Variants in TNKS2 observed in about 807,000 individuals in gnomAD.
TNKS2 encodes the protein poly [ADP-ribose] polymerase tankyrase-2.
TNKS2 carries 72 observed loss-of-function variants against 137.6 expected under a neutral mutation model. That is an observed-to-expected ratio of 0.52 (90% CI 0.43 to 0.64). TNKS2 has a LOEUF of 0.64. TNKS2 is among the 30% of genes least tolerant of loss of function. The pLI is 0.00. For synonymous variants in TNKS2, 516 were observed against 512.1 expected (o/e 1.01, Z -0.10); for missense variants, 1,049 against 1,410.2 (o/e 0.74, Z 4.10).
chr10:91,840,769 C>G (rs1246366216), intron 14 of TNKS2, 63 bp downstream of exon 14: 1 of 1,458,588 alleles, frequency 6.9e-7, no homozygotes, highest in Non-Finnish European at 9.3e-7. Context: ...TTAGGAAAAC[C>G]TGGAAATATA....
chr10:91,855,722 CTG>C, intron 23 of TNKS2, 34 bp downstream of exon 23: 6 of 1,521,394 alleles, frequency 3.9e-6, no homozygotes, highest in Non-Finnish European at 5.4e-6. Flanking sequence ...TTTTCTGAGA[CTG>C]TCGTTTTCAA....
chr10:91,798,810 C>T lies in TNKS2; in HGVS notation c.120C>T (p.Val40=). Residue 40 remains valine (V), a synonymous_variant, in exon 1 of 27, where the codon GTC becomes GTT. Transcript: ENST00000371627. ...GCCGCAACGGGGACGTGGAACGAGT[C>T]AAGAGGCTGGTGACGCCTGAGAAGG... is the stretch of plus-strand genomic sequence containing the variant. ...EACRNGDVER[V]KRLVTPEKVN... 3.7e-6 allele frequency: 5 copies of T among 1,333,436 alleles called. No homozygotes were observed. The highest frequency in any genetic ancestry group is 2.1e-5 in the South Asian group (1 of 48,358). 82.6% of individuals were successfully genotyped at this position (1,333,436 alleles called of 1,614,324 possible).
intron 16 of TNKS2, 99 bp downstream of exon 16, chr10:91,842,490 C>T: frequency 1.8e-6 from 2 of 1,097,782 alleles, no homozygotes; most frequent in Non-Finnish European, 2.6e-6. Context: ...AAATTCAAAT[C>T]AGGCCAAGCA....
chr10:91,857,457 A>C lies in TNKS2; in HGVS notation c.3021A>C (p.Glu1007Asp). 6.2e-7 allele frequency: 1 copy of C among 1,610,348 alleles called. No individual in the cohort carries two copies. The highest frequency in any genetic ancestry group is 1.1e-5 in the South Asian group (1 of 90,604). Residue 1007 changes from glutamate (E) to aspartate (D), a missense_variant, in exon 24 of 27, where the codon GAA becomes GAC. Glu to Asp is a conservative substitution (Grantham distance 45, BLOSUM62 2). Coordinates refer to ENST00000371627, the MANE Select transcript of TNKS2 (RefSeq NM_025235.4). ...IQKVCNKKLW[E>D]RYTHRRKEVS... is the part of the protein sequence containing the mutation. ...AGGTTTGTAACAAGAAACTATGGGA[A>C]AGATACACTCACCGGAGAAAAGAAG... is the stretch of plus-strand genomic sequence containing the variant.
intron 18 of TNKS2, among the ~76,000 whole-genome samples, chr10:91,847,134 C>CA (rs778431345): frequency 1.3e-5 from 2 of 152,046 alleles, no homozygotes; most frequent in Non-Finnish European, 2.9e-5. Context: ...TTATTATAAA[C>CA]AAATGTCATT....
At position 91,836,935 on chromosome 10, in the gene TNKS2, T is replaced by C; in HGVS notation, c.1464T>C (p.Gly488=). The C allele has an allele frequency of 6.2e-7, 1 of 1,613,334 alleles. No homozygotes were observed. Among genetic ancestry groups the C allele is most frequent in the Non-Finnish European group, 8.5e-7 (1 of 1,179,656 alleles). The change falls in exon 13 of 27, where the codon GGT becomes GGC. Residue 488 remains glycine (G), a synonymous_variant. Coordinates refer to ENST00000371627, the MANE Select transcript of TNKS2 (RefSeq NM_025235.4). ...CTTTTTTAGAGGGTATCTCATTAGG[T>C]AATTCAGAGGCAGACAGACAATTGC... is the stretch of plus-strand genomic sequence containing the variant. The part of the protein sequence containing the change: ...QQLLQEGISL[G]NSEADRQLLE...
chr10:91,807,601 G>A (rs1239076196), intron 1 of TNKS2, among the ~76,000 whole-genome samples: 1 of 152,144 alleles, frequency 6.6e-6, no homozygotes, highest in African/African-American at 2.4e-5. Flanking sequence ...CCTTAATTCA[G>A]CAAATGTCAA....
chr10:91,804,743 A>G (rs1173973871), intron 1 of TNKS2, among the ~76,000 whole-genome samples: 2 of 152,076 alleles, frequency 1.3e-5, no homozygotes, highest in Non-Finnish European at 2.9e-5. Flanking sequence ...TCAGTTTGGG[A>G]AGTATGGTTT....
intron 13 of TNKS2, among the ~76,000 whole-genome samples, chr10:91,838,853 T>C (rs1589677688): frequency 6.6e-6 from 1 of 152,262 alleles, no homozygotes; most frequent in East Asian, 1.9e-4. Context: ...TTTACTAATA[T>C]GGATATATTC....
intron 8 of TNKS2, among the ~76,000 whole-genome samples, chr10:91,827,421 T>C (rs1031050625): frequency 6.6e-6 from 1 of 152,240 alleles, no homozygotes; most frequent in Non-Finnish European, 1.5e-5. Context: ...TCAAGTTATA[T>C]GCTTTTTATA....
At chr10:91,808,535 G>A (rs1046930815) in intron 1 of TNKS2, among the ~76,000 whole-genome samples, 2 of 152,140 alleles carry the variant, frequency 1.3e-5, no homozygotes, top group Admixed American at 1.3e-4. Context: ...CTAGAGACAA[G>A]TGGAAATGAG....
chr10:91,831,606 A>C (rs1845249825), intron 11 of TNKS2, among the ~76,000 whole-genome samples: 1 of 152,212 alleles, frequency 6.6e-6, no homozygotes, highest in Non-Finnish European at 1.5e-5. Flanking sequence ...CTTGAACGGA[A>C]GGAAATATAT....
At position 91,851,389 on chromosome 10, in the gene TNKS2, A is replaced by G. The variant is rs537959882; in HGVS notation, c.2815+53A>G. ...CAGTTTAACAGTTTGCATAAAGGCA[A>G]CCCTCAGTGTACTAAGTTATAATTT... On this transcript the variant is annotated intron_variant, in intron 21 of 26. Transcript: ENST00000371627. The G allele has an allele frequency of 1.7e-5, 27 of 1,576,792 alleles. No homozygotes were observed. The South Asian group carries it at 3.0e-4, about 18-fold the overall frequency.
At chr10:91,850,013 AAAT>A (rs1462668474) in intron 20 of TNKS2, among the ~76,000 whole-genome samples, 2 of 152,186 alleles carry the variant, frequency 1.3e-5, no homozygotes, top group South Asian at 2.1e-4. Context: ...GTTGTTCAGA[AAAT>A]AATGTTACTG....
chr10:91,840,848 T>A, intron 14 of TNKS2, 142 bp downstream of exon 14: 1 of 798,280 alleles, frequency 1.3e-6, no homozygotes, highest in Non-Finnish European at 1.9e-6. Context: ...GCTTCTTAAT[T>A]TCAATTAAGA....
At position 91,819,546 on chromosome 10, in the gene TNKS2, G is replaced by A; in HGVS notation, c.622G>A (p.Asp208Asn). 1.3e-6 allele frequency: 2 copies of A among 1,591,908 alleles called. No homozygotes were observed. The highest frequency in any genetic ancestry group is 1.7e-6 in the Non-Finnish European group (2 of 1,173,958). The change falls in exon 5 of 27, where the codon GAT becomes AAT. Residue 208 changes from aspartate (D) to asparagine (N), a missense_variant. Physicochemically the swap from Asp to Asn is conservative, Grantham distance 23. Around this residue, in one of 6 missense-constraint regions of TNKS2, gnomAD observed 374 missense variants for 460.8 expected, o/e 0.81. Coordinates refer to ENST00000371627, the MANE Select transcript of TNKS2 (RefSeq NM_025235.4). Reference sequence around the variant, plus strand: ...ATTAAATGTCAACTGCCACGCAAGTGATGGCAGAAAGGTACTTCCTTTTGC... The same window carrying A: ...ATTAAATGTCAACTGCCACGCAAGTAATGGCAGAAAGGTACTTCCTTTTGC... The part of the protein sequence containing the change: ...TPLNVNCHAS[D>N]GRKSTPLHLA...
chr10:91,822,940 C>G lies in TNKS2; in HGVS notation c.795+578C>G, dbSNP rs571818232. Among the ~76,000 whole-genome samples, 7 of 151,468 alleles carry G rather than the reference C, an allele frequency of 4.6e-5. No individual in the cohort carries two copies. The East Asian group carries it at 1.0e-3, about 22-fold the overall frequency. ...TGTGACGCATCATCTGAAATCCCATCTACTCAGGAGGCTGTGGCAGGAGAA... is the reference window on the plus strand; with the variant it reads ...TGTGACGCATCATCTGAAATCCCATGTACTCAGGAGGCTGTGGCAGGAGAA... On this transcript the variant is annotated intron_variant, in intron 7 of 26. Transcript: ENST00000371627.
rs1271517979 is a variant in TNKS2 at position 91,864,706 on chromosome 10, T to C, written c.*1707T>C. ...TGCTTTTTATACAGCTCTCTAATAATTACAAATATCCGAAAGTCATTTCTT... is the reference window on the plus strand; with the variant it reads ...TGCTTTTTATACAGCTCTCTAATAACTACAAATATCCGAAAGTCATTTCTT... On this transcript the variant is annotated 3_prime_UTR_variant, in exon 27 of 27. Transcript: ENST00000371627. 1 of 152,608 alleles carries C rather than the reference T, an allele frequency of 6.6e-6. No individual in the cohort carries two copies. Among genetic ancestry groups the C allele is most frequent in the Non-Finnish European group, 1.5e-5 (1 of 68,036 alleles). 9.5% of individuals were successfully genotyped at this position (152,608 alleles called of 1,614,324 possible).
chr10:91,800,286 CA>C (rs2133579441), intron 1 of TNKS2, among the ~76,000 whole-genome samples: 1 of 152,220 alleles, frequency 6.6e-6, no homozygotes, highest in South Asian at 2.1e-4. Flanking sequence ...CCTGTTTGAC[CA>C]TGTAGTCAAC....
Sources: gnomAD v4.1 joint callset for allele counts (sites outside exome capture counted in the v4.1 genomes callset) on GRCh38, gnomAD v4.1.1 for gene constraint, gnomAD v4.1.1 regional missense constraint, MANE v1.5 for transcripts, NCBI Gene and HGNC (gene_info 2026-07-23, HGNC 2026-07-21) for gene names.